Variants in NME7 observed in about 807,000 individuals in gnomAD.
NME7 encodes nucleoside diphosphate kinase 7.
NME7 carries 41 observed loss-of-function variants against 49.1 expected under a neutral mutation model. The ratio of observed to expected loss-of-function variants is 0.83; its 90% confidence interval spans 0.65 to 1.08. The LOEUF is 1.08. Among genes scored for constraint, NME7 ranks in the 50% least tolerant of loss-of-function variants. The pLI, the probability that NME7 is intolerant of heterozygous loss-of-function variation, is 0.00. For synonymous variants in NME7, 139 were observed against 150.6 expected (o/e 0.92, Z 0.56); for missense variants, 423 against 463.4 (o/e 0.91, Z 0.80).
intron 7 of NME7, among the ~76,000 whole-genome samples, chr1:169,239,956 C>T (rs1386443640): frequency 1.3e-5 from 2 of 151,924 alleles, no homozygotes; most frequent in East Asian, 3.9e-4. Flanking sequence ...TGGATTTTAT[C>T]CTGTAGGCCA....
At chr1:169,301,656 A>G (rs1194983391) in intron 5 of NME7, among the ~76,000 whole-genome samples, 1 of 152,176 alleles carries the variant, frequency 6.6e-6, no homozygotes, top group East Asian at 1.9e-4. Context: ...TAGCAAATAC[A>G]TGGAAATAAC....
intron 7 of NME7, among the ~76,000 whole-genome samples, chr1:169,278,914 C>G (rs969236634): frequency 2.6e-5 from 4 of 152,184 alleles, no homozygotes; most frequent in Non-Finnish European, 2.9e-5. Context: ...ACAGGACCCT[C>G]CGCTGCAGGT....
chr1:169,317,189 T>C (rs1041311898), intron 3 of NME7, among the ~76,000 whole-genome samples: 37 of 152,170 alleles, frequency 2.4e-4, no homozygotes, highest in Non-Finnish European at 5.0e-4. Flanking sequence ...ATAAAAGAGA[T>C]GGCAAAAAGA....
intron 10 of NME7, among the ~76,000 whole-genome samples, chr1:169,192,737 T>G (rs1352131679): frequency 1.3e-5 from 2 of 152,184 alleles, no homozygotes; most frequent in African/African-American, 4.8e-5. Flanking sequence ...TCTGAACAAC[T>G]TAGTTATGGT....
At chr1:169,359,490 G>C (rs951379935) in intron 1 of NME7, among the ~76,000 whole-genome samples, 5 of 151,764 alleles carry the variant, frequency 3.3e-5, no homozygotes, top group Non-Finnish European at 7.4e-5. Flanking sequence ...ATATATGTAT[G>C]AGTATATATG....
chr1:169,159,745 A>G (rs1333113566), intron 11 of NME7, among the ~76,000 whole-genome samples: 1 of 152,126 alleles, frequency 6.6e-6, no homozygotes, highest in Non-Finnish European at 1.5e-5. Context: ...GAGTAGTTCT[A>G]TCCTTTGTCC....
chr1:169,340,580 G>A (rs919626252), intron 1 of NME7, among the ~76,000 whole-genome samples: 7 of 152,220 alleles, frequency 4.6e-5, no homozygotes, highest in Admixed American at 1.3e-4. Context: ...AGTTTGGAAG[G>A]CTCAGAAGAA....
chr1:169,357,840 A>G (rs2101986032), intron 1 of NME7, among the ~76,000 whole-genome samples: 1 of 152,232 alleles, frequency 6.6e-6, no homozygotes, highest in East Asian at 1.9e-4. Context: ...TCACATGACC[A>G]GCAATAAAAG....
intron 10 of NME7, among the ~76,000 whole-genome samples, chr1:169,176,541 T>C (rs1164782672): frequency 2.0e-5 from 3 of 152,264 alleles, no homozygotes; most frequent in Admixed American, 6.5e-5. Context: ...TTAAATGTTA[T>C]TTCAGGTGAA....
chr1:169,242,201 G>C (rs1043222926), intron 7 of NME7, among the ~76,000 whole-genome samples: 26 of 151,946 alleles, frequency 1.7e-4, no homozygotes, highest in Admixed American at 2.0e-4. Flanking sequence ...CCATGACCAA[G>C]AGACGTTAAT....
intron 11 of NME7, among the ~76,000 whole-genome samples, chr1:169,139,771 C>T (rs1293216131): frequency 1.3e-5 from 2 of 152,200 alleles, no homozygotes; most frequent in Non-Finnish European, 2.9e-5. Flanking sequence ...ACTGTCAATT[C>T]CAGCTTATCA....
At chr1:169,135,633 C>T (rs1658406017) in intron 11 of NME7, among the ~76,000 whole-genome samples, 2 of 151,966 alleles carry the variant, frequency 1.3e-5, no homozygotes, top group Non-Finnish European at 2.9e-5. Context: ...ATCTGTAGTC[C>T]CCTGGGCTCT....
At chr1:169,329,271 C>CCCACTACAAATA (rs1652174734) in intron 1 of NME7, among the ~76,000 whole-genome samples, 1 of 151,766 alleles carries the variant, frequency 6.6e-6, no homozygotes, top group Admixed American at 6.6e-5. Flanking sequence ...GCTTCAACTT[C>CCCACTACAAATA]CTTGTTCCTA....
At chr1:169,303,261 C>A in intron 4 of NME7, 66 bp from the exon 5 acceptor site, 1 of 729,550 alleles carries the variant, frequency 1.4e-6, no homozygotes, top group Non-Finnish European at 2.1e-6. Context: ...TTTTAGCTTA[C>A]ATTAATAAAA....
intron 10 of NME7, among the ~76,000 whole-genome samples, chr1:169,205,099 G>A (rs1660638978): frequency 6.6e-6 from 1 of 152,020 alleles, no homozygotes; most frequent in Non-Finnish European, 1.5e-5. Context: ...GTATGCTTAT[G>A]TTATTGTTCT....
intron 7 of NME7, among the ~76,000 whole-genome samples, chr1:169,278,669 A>C (rs989294853): frequency 6.6e-6 from 1 of 152,042 alleles, no homozygotes; most frequent in African/African-American, 2.4e-5. Context: ...GATCATGTGA[A>C]GCCTTCTCTC....
intron 6 of NME7, among the ~76,000 whole-genome samples, chr1:169,290,204 T>C (rs1220287730): frequency 6.6e-6 from 1 of 152,108 alleles, no homozygotes; most frequent in Non-Finnish European, 1.5e-5. Context: ...AATTTTATTA[T>C]GATAATAAAA....
Position 169,204,603 on chromosome 1 carries a change from G to A in NME7, c.990+26115C>T, listed in dbSNP as rs539887333. Among the ~76,000 whole-genome samples, 463 of 152,078 alleles carry A rather than the reference G, an allele frequency of 3.0e-3. 2 individuals are homozygous for A. Among genetic ancestry groups the A allele is most frequent in the Non-Finnish European group, 4.2e-3 (284 of 67,984 alleles). On this transcript the variant is annotated intron_variant, in intron 10 of 11. Coordinates refer to ENST00000367811, the MANE Select transcript of NME7 (RefSeq NM_013330.5). ...CAGGGTTCACCTTCTTTCAGATGTCGCACTCTCTCGGAAACCTTACGCACT... is the reference window on the plus strand; with the variant it reads ...CAGGGTTCACCTTCTTTCAGATGTCACACTCTCTCGGAAACCTTACGCACT...
chr1:169,290,666 G>A (rs755717645), intron 6 of NME7, among the ~76,000 whole-genome samples: 10 of 152,062 alleles, frequency 6.6e-5, no homozygotes, highest in Non-Finnish European at 1.0e-4. Context: ...TGACAAATGC[G>A]ATCTAATTAA....
Sources: gnomAD v4.1 joint callset for allele counts (sites outside exome capture counted in the v4.1 genomes callset) on GRCh38, gnomAD v4.1.1 for gene constraint, MANE v1.5 for transcripts, NCBI Gene and HGNC (gene_info 2026-07-23, HGNC 2026-07-21) for gene names.